HCN2: variants seen among roughly 807,000 people sequenced by gnomAD.
HCN2 encodes hyperpolarization activated cyclic nucleotide gated potassium and sodium channel 2, also known as potassium/sodium hyperpolarization-activated cyclic nucleotide-gated channel 2.
A neutral mutation model predicts 52.3 loss-of-function variants in HCN2; 20 were observed. The observed-to-expected ratio is 0.38, with a 90% CI of 0.27 to 0.56. The LOEUF (loss-of-function observed/expected upper bound fraction) is 0.56, where lower values mean the gene tolerates loss of function less well. Ranked by LOEUF, HCN2 falls within the 20% of genes least tolerant of loss-of-function variation. The pLI is 0.71. For missense variants in HCN2, 981 were observed against 1,207.7 expected, an observed-to-expected ratio of 0.81 and a Z score of 2.78; for synonymous variants, 694 against 537.0, an observed-to-expected ratio of 1.29 and a Z score of -4.04.
At chr19:611,534 G>A (rs574447465) in intron 5 of HCN2, among the ~76,000 whole-genome samples, 90 of 152,332 alleles carry the variant, frequency 5.9e-4, no homozygotes, top group African/African-American at 1.4e-3. Context: ...CTGGGGGGGC[G>A]TGTACACCCG....
intron 5 of HCN2, 138 bp downstream of exon 5, chr19:610,543 C>T: frequency 2.8e-6 from 2 of 715,178 alleles, no homozygotes; most frequent in East Asian, 2.7e-5. Context: ...GACCTGCGTA[C>T]ACACCCTCCC....
At chr19:604,840 T>C (rs1983362062) in intron 2 of HCN2, among the ~76,000 whole-genome samples, 2 of 40,452 alleles carry the variant, frequency 4.9e-5, no homozygotes, top group Admixed American at 3.4e-4. Flanking sequence ...GGTCCTGCAG[T>C]GAAGGCTGTA....
At chr19:598,722 C>T (rs1258522262) in intron 1 of HCN2, among the ~76,000 whole-genome samples, 1 of 152,276 alleles carries the variant, frequency 6.6e-6, no homozygotes, top group Non-Finnish European at 1.5e-5. Flanking sequence ...CTGCCTCAGC[C>T]TCCCGAGTAG....
Position 616,409 on chromosome 19 carries a change from C to G in HCN2, c.2605C>G (p.Pro869Ala), listed in dbSNP as rs751606466. The G allele has an allele frequency of 1.6e-6, 2 of 1,237,322 alleles. No homozygotes were observed. The highest frequency in any genetic ancestry group is 2.0e-6 in the Non-Finnish European group (2 of 987,626). The allele number at this position is 1,237,322 out of a possible 1,614,324, so 76.6% of individuals were successfully genotyped here. A position where few individuals can be genotyped will look rare whatever the true frequency, so the allele number is the denominator to read the frequency against. ...CCCGGACCGCAGGGACTCGGCCTCA[C>G]CCGGCGCCGCCGGCGGCCTGGACCC... is the stretch of plus-strand genomic sequence containing the variant. ...PSPDRRDSAS[P>A]GAAGGLDPQD... Residue 869 changes from proline to alanine, a missense_variant, in exon 8 of 8, where the codon CCC (proline) becomes GCC (alanine). By Grantham distance (27) the Pro-to-Ala change is conservative. Around this residue, in one of 6 missense-constraint regions of HCN2, gnomAD observed 368 missense variants for 314.8 expected, o/e 1.17. Coordinates refer to ENST00000251287, the MANE Select transcript of HCN2 (RefSeq NM_001194.4).
At chr19:614,112 A>AG (rs1235407216) in intron 7 of HCN2, 96 bp downstream of exon 7, 1 of 718,654 alleles carries the variant, frequency 1.4e-6, no homozygotes, top group African/African-American at 3.3e-5. Flanking sequence ...GGCAGGGGGA[A>AG]GGGCGTGGCT....
intron 1 of HCN2, among the ~76,000 whole-genome samples, chr19:596,114 C>A (rs1013596684): frequency 2.6e-5 from 4 of 152,348 alleles, no homozygotes; most frequent in South Asian, 2.1e-4. Flanking sequence ...GCCTCCTCCC[C>A]CAAGCTTCAT....
chr19:610,235 C>T lies in HCN2; in HGVS notation c.1438-24C>T, dbSNP rs752981002. The T allele has an allele frequency of 1.1e-5, 18 of 1,607,088 alleles. No individual in the cohort carries two copies. In the South Asian group the frequency reaches 2.0e-4, roughly 18 times the overall value. ...GCTGCAGGCCGGGGGCGGTGTCTGA[C>T]CCAGCCTCGCCTCCTCCCCACAGTA... On this transcript the variant is annotated intron_variant, in intron 4 of 7. Coordinates refer to ENST00000251287, the MANE Select transcript of HCN2 (RefSeq NM_001194.4).
At chr19:615,735 G>T in intron 7 of HCN2, 60 bp from the exon 8 acceptor site, 1 of 1,569,162 alleles carries the variant, frequency 6.4e-7, no homozygotes. Context: ...GTAGGTGCTC[G>T]GTGCCCGCTG....
At chr19:596,788 C>T (rs1295796666) in intron 1 of HCN2, among the ~76,000 whole-genome samples, 1 of 152,102 alleles carries the variant, frequency 6.6e-6, no homozygotes, top group Non-Finnish European at 1.5e-5. Context: ...TCCCCTGACC[C>T]CAGGTCCCCT....
intron 1 of HCN2, among the ~76,000 whole-genome samples, chr19:597,943 G>A (rs1040565690): frequency 6.1e-5 from 9 of 146,878 alleles, no homozygotes; most frequent in Admixed American, 3.3e-4. Flanking sequence ...CCCCTCGTGG[G>A]GGAGGTTTCT....
In HCN2 at chr19:615,979, G is replaced by A. The variant is rs758094024; in HGVS notation, c.2175G>A (p.Ser725=). The change falls in exon 8 of 8, where the codon TCG becomes TCA. Residue 725 remains serine (S), a synonymous_variant. Coordinates refer to ENST00000251287, the MANE Select transcript of HCN2 (RefSeq NM_001194.4). ...CGCCGCCGCCGCCGCAGGTCACCTCGGCCATCGCCACGCTGCAGCAGGCGG... is the reference window on the plus strand; with the variant it reads ...CGCCGCCGCCGCCGCAGGTCACCTCAGCCATCGCCACGCTGCAGCAGGCGG... The part of the protein sequence containing the change: ...PPPPPPPQVT[S]AIATLQQAAA... The A allele has an allele frequency of 3.8e-6, 6 of 1,595,218 alleles. No individual in the cohort carries two copies. Among genetic ancestry groups the A allele is most frequent in the African/African-American group, 2.7e-5 (2 of 74,332 alleles).
chr19:595,672 G>A (rs367696792), intron 1 of HCN2, among the ~76,000 whole-genome samples: 1 of 152,152 alleles, frequency 6.6e-6, no homozygotes, highest in East Asian at 1.9e-4. Flanking sequence ...CGTGTGCCCC[G>A]GCGCCCGGCG....
At chr19:615,701 CTG>C (rs901074148) in intron 7 of HCN2, 92 bp from the exon 8 acceptor site, 122 of 1,231,822 alleles carry the variant, frequency 9.9e-5, no homozygotes, top group African/African-American at 9.7e-4. Context: ...ACGGCAAGCA[CTG>C]TGTGCGCACC....
Position 599,774 on chromosome 19 carries a change from T to C in HCN2, c.633-3770T>C, listed in dbSNP as rs1032826135. 3.7e-4 allele frequency among the ~76,000 whole-genome samples: 56 copies of C among 149,976 alleles called. 1 individual carries two copies. Among genetic ancestry groups the C allele is most frequent in the Non-Finnish European group, 4.4e-5 (3 of 67,564 alleles). ...TCGCACTCCAGCCTGGGCGACAGAGTGAGACTCTGTCTCAAAAAAGAAAAC... is the reference window on the plus strand; with the variant it reads ...TCGCACTCCAGCCTGGGCGACAGAGCGAGACTCTGTCTCAAAAAAGAAAAC... On this transcript the variant is annotated intron_variant, in intron 1 of 7. Coordinates refer to ENST00000251287, the MANE Select transcript of HCN2 (RefSeq NM_001194.4).
At chr19:600,976 C>T (rs12982197) in intron 1 of HCN2, among the ~76,000 whole-genome samples, 1 of 152,168 alleles carries the variant, frequency 6.6e-6, no homozygotes, top group Non-Finnish European at 1.5e-5. Context: ...ACCCATGCAT[C>T]CCCTTCCTGT....
rs1982846099 is a variant in HCN2, at chr19:590,763, C to G, written c.632+186C>G. On this transcript the variant is annotated intron_variant, in intron 1 of 7. Transcript: ENST00000251287. The surrounding 1 kb of genome is among the most constrained non-coding windows in gnomAD (Gnocchi z 7.2). ...GACCCCGGCGCGCGAGGCTCCGCCT[C>G]TGGGGGGGCTCCCCGGGTGACCGCG... The G allele has an allele frequency of 2.9e-6, 1 of 341,786 alleles. No individual in the cohort carries two copies. Among genetic ancestry groups the G allele is most frequent in the Non-Finnish European group, 5.1e-6 (1 of 196,204 alleles). The allele number at this position is 341,786 out of a possible 1,614,324, so 21.2% of individuals were successfully genotyped here.
chr19:609,069 G>A (rs980533652), intron 4 of HCN2, among the ~76,000 whole-genome samples: 12 of 152,148 alleles, frequency 7.9e-5, no homozygotes, highest in Non-Finnish European at 1.6e-4. Flanking sequence ...CCCCTCTCCC[G>A]CGCCCCGAGC....
intron 3 of HCN2, among the ~76,000 whole-genome samples, chr19:606,236 G>A (rs1983424274): frequency 1.3e-5 from 2 of 152,072 alleles, no homozygotes; most frequent in South Asian, 4.2e-4. Flanking sequence ...GAGTAGCTGG[G>A]ACTACAGGCG....
rs1983982476 is a variant in HCN2, at chr19:616,944, T to C, written c.*470T>C. 2 of 391,266 alleles carry C rather than the reference T, an allele frequency of 5.1e-6. No individual in the cohort carries two copies. 24.2% of individuals were successfully genotyped at this position (391,266 alleles called of 1,614,324 possible). The stretch of plus-strand genomic sequence containing the variant: ...CCGGCCCGGCCCCCGTCCGCGCGCG[T>C]CCCCCGGTGACCTCGGGGAGCAGCA... On this transcript the variant is annotated 3_prime_UTR_variant, in exon 8 of 8. Transcript: ENST00000251287.
Sources: gnomAD v4.1 joint callset for allele counts (sites outside exome capture counted in the v4.1 genomes callset) on GRCh38, gnomAD v4.1.1 for gene constraint, gnomAD v4.1.1 regional missense constraint, Gnocchi (gnomAD v3.1) non-coding constraint, MANE v1.5 for transcripts, NCBI Gene and HGNC (gene_info 2026-07-23, HGNC 2026-07-21) for gene names.